Variants in FBXL17 observed in about 807,000 individuals in gnomAD.
FBXL17 encodes the protein F-box/LRR-repeat protein 17.
FBXL17 carries 22 observed loss-of-function variants against 66.2 expected under a neutral mutation model. The ratio of observed to expected loss-of-function variants is 0.33; its 90% CI spans 0.24 to 0.47. The LOEUF is 0.47. FBXL17 is among the 20% of genes least tolerant of loss of function. The pLI, the probability that FBXL17 is intolerant of heterozygous loss-of-function variation, is 1.00. For missense variants in FBXL17, 878 were observed against 948.2 expected (o/e 0.93, Z 0.97); for synonymous variants, 474 against 400.5 (o/e 1.18, Z -2.19).
intron 4 of FBXL17, among the ~76,000 whole-genome samples, chr5:108,283,562 C>A (rs776880707): frequency 6.6e-6 from 1 of 151,784 alleles, no homozygotes; most frequent in Non-Finnish European, 1.5e-5. Flanking sequence ...AATATAGGAA[C>A]CAAAGTTATA....
chr5:108,027,050 T>C (rs1187964526), intron 6 of FBXL17, among the ~76,000 whole-genome samples: 1 of 152,144 alleles, frequency 6.6e-6, no homozygotes, highest in East Asian at 1.9e-4. Flanking sequence ...GAGAACAGGA[T>C]TTAGCAATGA....
chr5:108,116,722 T>C (rs1750271217), intron 6 of FBXL17, among the ~76,000 whole-genome samples: 1 of 136,640 alleles, frequency 7.3e-6, no homozygotes, highest in Non-Finnish European at 1.6e-5. Flanking sequence ...AGATGAATAA[T>C]ACCGTTTTCA....
intron 7 of FBXL17, among the ~76,000 whole-genome samples, chr5:107,952,107 G>C (rs1242432077): frequency 8.5e-5 from 2 of 23,448 alleles, no homozygotes; most frequent in South Asian, 8.4e-4. Context: ...GAAAACACAA[G>C]CATTAAAAAA....
chr5:108,062,047 G>T (rs1747944432), intron 6 of FBXL17, among the ~76,000 whole-genome samples: 1 of 152,056 alleles, frequency 6.6e-6, no homozygotes, highest in African/African-American at 2.4e-5. Flanking sequence ...ACAGAGAAGA[G>T]AGAAGCACAA....
intron 7 of FBXL17, among the ~76,000 whole-genome samples, chr5:107,975,160 G>C (rs1341845034): frequency 6.6e-6 from 1 of 152,008 alleles, no homozygotes; most frequent in Non-Finnish European, 1.5e-5. Context: ...TAGTCATTGA[G>C]CTATGAATTG....
At chr5:108,335,629 A>G (rs1044889885) in intron 4 of FBXL17, among the ~76,000 whole-genome samples, 6 of 152,138 alleles carry the variant, frequency 3.9e-5, no homozygotes, top group Admixed American at 3.9e-4. Flanking sequence ...AACCTGTGAC[A>G]CTAGGCAAAT....
chr5:108,234,303 T>C (rs928105997), intron 4 of FBXL17, among the ~76,000 whole-genome samples: 2 of 152,166 alleles, frequency 1.3e-5, no homozygotes, highest in African/African-American at 4.8e-5. Flanking sequence ...CTACATTTAC[T>C]AAGGCCTTAA....
chr5:108,165,167 G>A (rs1752369165), intron 6 of FBXL17, among the ~76,000 whole-genome samples: 1 of 152,202 alleles, frequency 6.6e-6, no homozygotes, highest in South Asian at 2.1e-4. Context: ...TAAATACACT[G>A]TGCTAAAATC....
At chr5:108,288,116 G>C (rs1757970629) in intron 4 of FBXL17, among the ~76,000 whole-genome samples, 1 of 151,968 alleles carries the variant, frequency 6.6e-6, no homozygotes, top group East Asian at 1.9e-4. Context: ...ACTTGAGGGT[G>C]GAAGGGAGGA....
rs184054047 is a variant in FBXL17, at chr5:108,107,781, C to T, written c.1745+78336G>A. On this transcript the variant is annotated intron_variant, in intron 6 of 8. Coordinates refer to ENST00000542267, the MANE Select transcript of FBXL17 (RefSeq NM_001163315.3). Reference sequence around the variant, plus strand: ...GAGCTGAGATGGCACCACTGCACTCCGGCCTGGGCAACACAGCAAGACTCT... The same window carrying T: ...GAGCTGAGATGGCACCACTGCACTCTGGCCTGGGCAACACAGCAAGACTCT... 2.0e-4 allele frequency among the ~76,000 whole-genome samples: 28 copies of T among 142,188 alleles called. No individual in the cohort carries two copies. The East Asian group carries it at 5.5e-3, about 28-fold the overall frequency. The allele number at this position is 142,188 out of a possible 152,430, so 93.3% of individuals were successfully genotyped here. A position where few individuals can be genotyped will look rare whatever the true frequency, so the allele number is the denominator to read the frequency against.
chr5:108,263,305 T>C (rs186335647), intron 4 of FBXL17, among the ~76,000 whole-genome samples: 5 of 152,246 alleles, frequency 3.3e-5, no homozygotes, highest in Admixed American at 1.3e-4. Context: ...ATAAAATTTG[T>C]AACGACTGGA....
At chr5:108,305,334 A>T (rs906908104) in intron 4 of FBXL17, among the ~76,000 whole-genome samples, 1 of 152,020 alleles carries the variant, frequency 6.6e-6, no homozygotes, top group African/African-American at 2.4e-5. Context: ...GGTGGGTGGT[A>T]GGGAAAGCAT....
At chr5:108,258,111 G>C (rs1756652952) in intron 4 of FBXL17, among the ~76,000 whole-genome samples, 2 of 152,130 alleles carry the variant, frequency 1.3e-5, no homozygotes, top group African/African-American at 4.8e-5. Context: ...CCTAACTCCA[G>C]ACTGTATCTG....
At chr5:108,061,536 AG>A (rs1221399140) in intron 6 of FBXL17, among the ~76,000 whole-genome samples, 2 of 152,106 alleles carry the variant, frequency 1.3e-5, no homozygotes, top group Admixed American at 6.5e-5. Flanking sequence ...ATCGTTCAAA[AG>A]TTGACCCTGA....
At chr5:107,980,857 C>A (rs1335535411) in intron 7 of FBXL17, among the ~76,000 whole-genome samples, 1 of 149,320 alleles carries the variant, frequency 6.7e-6, no homozygotes, top group South Asian at 2.1e-4. Context: ...GGGGTTTCAC[C>A]ATGGTCTCGA....
chr5:108,117,107 AT>A (rs1750288907), intron 6 of FBXL17, among the ~76,000 whole-genome samples: 1 of 152,190 alleles, frequency 6.6e-6, no homozygotes, highest in Non-Finnish European at 1.5e-5. Flanking sequence ...TGACATTTTA[AT>A]TTTAAATACT....
chr5:108,166,168 G>A (rs1752407758), intron 6 of FBXL17, among the ~76,000 whole-genome samples: 1 of 152,162 alleles, frequency 6.6e-6, no homozygotes, highest in African/African-American at 2.4e-5. Flanking sequence ...GTGAGACTTT[G>A]ATGTTGCATT....
At chr5:108,002,540 T>C (rs1045863054) in intron 7 of FBXL17, among the ~76,000 whole-genome samples, 18 of 152,068 alleles carry the variant, frequency 1.2e-4, no homozygotes, top group African/African-American at 4.3e-4. Flanking sequence ...CTACCTAAGA[T>C]AAATGAGAAC....
At chr5:108,180,309 T>C (rs1358803192) in intron 6 of FBXL17, among the ~76,000 whole-genome samples, 1 of 151,968 alleles carries the variant, frequency 6.6e-6, no homozygotes, top group Non-Finnish European at 1.5e-5. Context: ...TCAGGAGTTC[T>C]AGACCAGCCT....
Sources: allele counts gnomAD v4.1 joint callset (sites outside exome capture counted in the v4.1 genomes callset), GRCh38; gene constraint gnomAD v4.1.1; transcripts MANE v1.5; gene names NCBI Gene and HGNC (gene_info 2026-07-23, HGNC 2026-07-21).